The following AGBL3 variants were observed in gnomAD, a reference collection of about 807,000 sequenced individuals.
AGBL3 encodes the protein AGBL carboxypeptidase 3.
AGBL3 carries 68 observed loss-of-function variants against 94.5 expected under a neutral mutation model. The observed-to-expected ratio is 0.72, with a 90% CI of 0.59 to 0.88. AGBL3 has a LOEUF of 0.88. Ranked by LOEUF, AGBL3 falls within the 40% of genes least tolerant of loss-of-function variation. The pLI, the probability that AGBL3 is intolerant of heterozygous loss-of-function variation, is 0.00. For missense variants in AGBL3, 934 were observed against 1,103.8 expected, an observed-to-expected ratio of 0.85 and a Z score of 2.18; for synonymous variants, 354 against 370.7, an observed-to-expected ratio of 0.95 and a Z score of 0.52.
rs766757125 is a variant in AGBL3 at position 135,069,637 on chromosome 7, A to AC, written c.1909-6760_1909-6759insC. Among the ~76,000 whole-genome samples the AC allele has an allele frequency of 2.3e-4, 35 of 152,276 alleles. No homozygotes were observed. In the East Asian group the frequency reaches 4.8e-3, roughly 21 times the overall value. Reference sequence around the variant, plus strand: ...CTCCTGAATGACTACTGGGTACATAAGAAATGAAGGCAGAAATAAAGATGT... The same window carrying AC: ...CTCCTGAATGACTACTGGGTACATAACGAAATGAAGGCAGAAATAAAGATGT... On this transcript the variant is annotated intron_variant, in intron 12 of 16. Transcript: ENST00000436302.
intron 12 of AGBL3, among the ~76,000 whole-genome samples, chr7:135,068,224 A>G (rs890244907): frequency 1.3e-5 from 2 of 152,226 alleles, no homozygotes; most frequent in African/African-American, 2.4e-5. Context: ...TCCAAGAAAT[A>G]TGGGACTATG....
chr7:135,026,317 C>T (rs114859337), intron 5 of AGBL3, among the ~76,000 whole-genome samples: 1,646 of 61,590 alleles, frequency 0.027, 32 homozygotes, highest in African/African-American at 0.077. Flanking sequence ...CTCTTTTGCC[C>T]GGGCTGGAGT....
intron 5 of AGBL3, among the ~76,000 whole-genome samples, chr7:135,021,950 G>A (rs1042921006): frequency 1.3e-5 from 2 of 152,118 alleles, no homozygotes; most frequent in African/African-American, 4.8e-5. Context: ...AGTCTGCTGA[G>A]GATGATGGCA....
intron 16 of AGBL3, among the ~76,000 whole-genome samples, chr7:135,131,240 A>G (rs1490881048): frequency 6.6e-6 from 1 of 152,136 alleles, no homozygotes; most frequent in African/African-American, 2.4e-5. Context: ...ACATGTTTTC[A>G]CTCATAAGTG....
chr7:135,120,764 A>G (rs186892502), intron 16 of AGBL3, among the ~76,000 whole-genome samples: 34 of 152,368 alleles, frequency 2.2e-4, no homozygotes, highest in African/African-American at 7.5e-4. Flanking sequence ...CATCATGCAA[A>G]CATTAATAGA....
chr7:134,987,594 T>G (rs886749740), intron 1 of AGBL3, among the ~76,000 whole-genome samples: 7 of 152,200 alleles, frequency 4.6e-5, no homozygotes, highest in Admixed American at 2.6e-4. Flanking sequence ...TGTGTAGTAT[T>G]TAATTGTAAA....
intron 5 of AGBL3, among the ~76,000 whole-genome samples, chr7:135,032,256 C>G (rs866797334): frequency 1.3e-5 from 2 of 152,058 alleles, no homozygotes; most frequent in South Asian, 4.2e-4. Context: ...AGTTCAGAAC[C>G]AATTACTTCA....
chr7:135,086,459 G>A (rs183275388), intron 15 of AGBL3, among the ~76,000 whole-genome samples: 3 of 152,016 alleles, frequency 2.0e-5, no homozygotes, highest in Non-Finnish European at 4.4e-5. Context: ...GGTTTGTCTT[G>A]TATGGCCTTT....
At chr7:135,045,667 C>T in intron 10 of AGBL3, 93 bp downstream of exon 10, 1 of 1,353,826 alleles carries the variant, frequency 7.4e-7, no homozygotes, top group Non-Finnish European at 1.0e-6. Flanking sequence ...CTTTTAATGT[C>T]CCAACAGTGT....
At chr7:134,995,591 A>G (rs1281271661) in intron 4 of AGBL3, 2 of 152,158 alleles carry the variant, frequency 1.3e-5, no homozygotes, top group Admixed American at 6.5e-5. Context: ...TCTAACCAAA[A>G]TATTGTTGTA....
intron 15 of AGBL3, among the ~76,000 whole-genome samples, chr7:135,110,467 A>C (rs945092585): frequency 6.6e-6 from 1 of 152,068 alleles, no homozygotes; most frequent in Non-Finnish European, 1.5e-5. Flanking sequence ...TATGTGTCAG[A>C]CTGCAGGAAT....
At chr7:135,094,458 C>T (rs776398003) in intron 15 of AGBL3, 56 of 456,540 alleles carry the variant, frequency 1.2e-4, no homozygotes, top group Admixed American at 2.3e-4. Context: ...AGGCTGAGTG[C>T]GCACTAGCTT....
chr7:135,053,923 C>G (rs1254680578), intron 11 of AGBL3, among the ~76,000 whole-genome samples: 1 of 151,872 alleles, frequency 6.6e-6, no homozygotes, highest in Non-Finnish European at 1.5e-5. Context: ...AAACATAGAC[C>G]TTTCAGTATA....
intron 5 of AGBL3, among the ~76,000 whole-genome samples, chr7:135,018,694 A>G (rs555907958): frequency 6.6e-6 from 1 of 152,364 alleles, no homozygotes; most frequent in East Asian, 1.9e-4. Flanking sequence ...ATGACAAAAA[A>G]GAAGAGTAGA....
intron 13 of AGBL3, among the ~76,000 whole-genome samples, chr7:135,079,246 T>A (rs1820718593): frequency 6.6e-6 from 1 of 152,204 alleles, no homozygotes; most frequent in African/African-American, 2.4e-5. Context: ...TCACTCCTTG[T>A]CTTGCTAGTG....
chr7:134,990,133 T>C (rs952021191), intron 3 of AGBL3, among the ~76,000 whole-genome samples: 1 of 152,236 alleles, frequency 6.6e-6, no homozygotes, highest in Non-Finnish European at 1.5e-5. Context: ...ATATTCTTAG[T>C]TGGTCTGAAT....
chr7:134,996,737 G>A (rs1170054168), intron 4 of AGBL3, among the ~76,000 whole-genome samples: 1 of 152,128 alleles, frequency 6.6e-6, no homozygotes. Context: ...CCTTTTATGT[G>A]TGGCCTAATG....
chr7:135,127,968 T>TATAC (rs1828123372), intron 16 of AGBL3, among the ~76,000 whole-genome samples: 1 of 152,052 alleles, frequency 6.6e-6, no homozygotes, highest in Admixed American at 6.5e-5. Context: ...AATGTGGCCA[T>TATAC]ATACACCATG....
chr7:135,042,715 G>A (rs919688832), intron 8 of AGBL3, among the ~76,000 whole-genome samples: 8 of 152,112 alleles, frequency 5.3e-5, no homozygotes, highest in African/African-American at 1.9e-4. Flanking sequence ...TTTGAGACCA[G>A]CCTGAGCAAC....
Sources: gnomAD v4.1 joint callset for allele counts (sites outside exome capture counted in the v4.1 genomes callset) on GRCh38, gnomAD v4.1.1 for gene constraint, MANE v1.5 for transcripts, NCBI Gene and HGNC (gene_info 2026-07-23, HGNC 2026-07-21) for gene names.